Variants in MMS19 observed in about 807,000 individuals in gnomAD.
MMS19 encodes the protein MMS19 cytosolic iron-sulfur assembly component, also known as MMS19 nucleotide excision repair protein homolog.
MMS19 carries 77 observed loss-of-function variants against 129.8 expected under a neutral mutation model. The observed-to-expected ratio is 0.59, with a 90% CI of 0.49 to 0.72. The LOEUF (loss-of-function observed/expected upper bound fraction) is 0.72. Ranked by LOEUF, MMS19 falls within the 30% of genes least tolerant of loss-of-function variation. The pLI, the probability that MMS19 is intolerant of heterozygous loss-of-function variation, is 0.00. For synonymous variants in MMS19, 491 were observed against 502.8 expected (o/e 0.98, Z 0.31); for missense variants, 1,168 against 1,266.3 (o/e 0.92, Z 1.18).
chr10:97,483,507 CA>C (rs2037268212), intron 2 of MMS19, among the ~76,000 whole-genome samples: 1 of 152,198 alleles, frequency 6.6e-6, no homozygotes, highest in Non-Finnish European at 1.5e-5. Context: ...CATGCTGTCA[CA>C]ATTAACAACT....
At chr10:97,475,650 T>C (rs1411677626) in intron 8 of MMS19, among the ~76,000 whole-genome samples, 2 of 152,084 alleles carry the variant, frequency 1.3e-5, no homozygotes, top group South Asian at 2.1e-4. Context: ...AGGCAGAGAA[T>C]TGCTTGAACC....
In MMS19 at chr10:97,477,788, TATTGAA is replaced by T. The variant is rs2036029622; in HGVS notation, c.423+61_423+66del. On this transcript the variant is annotated intron_variant, in intron 5 of 30. Coordinates refer to ENST00000438925, the MANE Select transcript of MMS19 (RefSeq NM_022362.5). ...GAACTTAGAAGGCAATAATTTTTGC[TATTGAA>T]TCCCAGTTATGTCAAGGGGTAGAGA... 3 of 1,131,792 alleles carry T rather than the reference TATTGAA, an allele frequency of 2.7e-6. No individual in the cohort carries two copies. In the African/African-American group the frequency reaches 4.7e-5, roughly 18 times the overall value. 70.1% of individuals were successfully genotyped at this position (1,131,792 alleles called of 1,614,324 possible).
chr10:97,484,121 T>G lies in MMS19; in HGVS notation c.143A>C (p.Gln48Pro), dbSNP rs1295082077. Residue 48 changes from glutamine (Q) to proline (P), a missense_variant, in exon 2 of 31, where the codon CAA (glutamine) becomes CCA (proline). Gln to Pro is a moderately conservative substitution (Grantham distance 76, BLOSUM62 -1). Coordinates refer to ENST00000438925, the MANE Select transcript of MMS19 (RefSeq NM_022362.5). ...DVKSGNYTVLQVVEALGSSLE... is the reference protein window; with the variant it reads ...DVKSGNYTVLPVVEALGSSLE... ...CTCTTACCCAAGGGCTTCCACAACTTGTAACACTGTATAGTTGCCAGATTT... is the reference window on the plus strand; with the variant it reads ...CTCTTACCCAAGGGCTTCCACAACTGGTAACACTGTATAGTTGCCAGATTT... 1 of 1,548,236 alleles carries G rather than the reference T, an allele frequency of 6.5e-7. No homozygotes were observed. The highest frequency in any genetic ancestry group is 1.9e-5 in the Admixed American group (1 of 51,890).
At chr10:97,493,796 C>T (rs1302765900) in intron 1 of MMS19, among the ~76,000 whole-genome samples, 1 of 152,194 alleles carries the variant, frequency 6.6e-6, no homozygotes, top group Non-Finnish European at 1.5e-5. Context: ...AGGCAGATCA[C>T]CTGAGGTCGG....
At chr10:97,476,333 AC>A (rs1403252677) in intron 8 of MMS19, among the ~76,000 whole-genome samples, 3 of 152,148 alleles carry the variant, frequency 2.0e-5, no homozygotes, top group African/African-American at 7.2e-5. Flanking sequence ...TCTAGCTCAC[AC>A]TGAACTTTTG....
intron 14 of MMS19, 53 bp from the exon 15 acceptor site, chr10:97,466,954 CTG>C: frequency 3.1e-6 from 5 of 1,607,978 alleles, no homozygotes; most frequent in Non-Finnish European, 4.2e-6. Context: ...TTCCATATCC[CTG>C]ACTAAGCTGT....
At chr10:97,496,297 CTTCAG>C (rs1338646217) in intron 1 of MMS19, among the ~76,000 whole-genome samples, 1 of 152,064 alleles carries the variant, frequency 6.6e-6, no homozygotes, top group Non-Finnish European at 1.5e-5. Flanking sequence ...GGGAGGATGG[CTTCAG>C]TCCTGGAGTT....
In MMS19 at chr10:97,462,540, A is replaced by T. The variant is rs768841936; in HGVS notation, c.2012+43T>A. ...CCTGTTGCTTCTTCCTAAGAATGCT[A>T]TCCTTCTCCCTGGGTTCAAGCCACA... On this transcript the variant is annotated intron_variant, in intron 20 of 30. Transcript: ENST00000438925. The T allele has an allele frequency of 3.5e-6, 5 of 1,440,574 alleles. No homozygotes were observed. In the Admixed American group the frequency reaches 8.5e-5, roughly 24 times the overall value. The allele number at this position is 1,440,574 out of a possible 1,614,324, so 89.2% of individuals were successfully genotyped here.
chr10:97,462,819 G>T, intron 19 of MMS19, 137 bp from the exon 20 acceptor site: 1 of 690,382 alleles, frequency 1.4e-6, no homozygotes, highest in Non-Finnish European at 2.5e-6. Flanking sequence ...GTCTCTGGTA[G>T]TGCTATAGTC....
upstream of MMS19, chr10:97,498,550 G>T: frequency 1.1e-6 from 1 of 870,970 alleles, no homozygotes; most frequent in Non-Finnish European, 1.7e-6. Context: ...GGCGGGGCCT[G>T]AAATGGGGCG....
intron 3 of MMS19, among the ~76,000 whole-genome samples, chr10:97,479,235 C>G (rs1227120760): frequency 1.3e-5 from 2 of 152,130 alleles, no homozygotes; most frequent in Non-Finnish European, 2.9e-5. Flanking sequence ...GACCAAGAAC[C>G]CTGGTGTTCC....
At position 97,484,128 on chromosome 10, in the gene MMS19, CTG is replaced by C; in HGVS notation, c.134_135del (p.Thr45SerfsTer51). 1 of 1,542,514 alleles carries C rather than the reference CTG, an allele frequency of 6.5e-7. No homozygotes were observed. The highest frequency in any genetic ancestry group is 2.4e-5 in the East Asian group (1 of 41,552). On this transcript the variant is annotated frameshift_variant, in exon 2 of 31. Coordinates refer to ENST00000438925, the MANE Select transcript of MMS19 (RefSeq NM_022362.5). LOFTEE classifies it high-confidence loss of function. ...CCAAGGGCTTCCACAACTTGTAACA[CTG>C]TATAGTTGCCAGATTTCACATCTGC... ...VAADVKSGNY[T>X]VLQVVEALGS...
At chr10:97,461,337 G>C in intron 23 of MMS19, 159 bp downstream of exon 23, 1 of 849,492 alleles carries the variant, frequency 1.2e-6, no homozygotes, top group South Asian at 1.8e-5. Context: ...CTGTGGTCTT[G>C]ACGCTTTTCC....
chr10:97,479,424 C>T (rs1251151366), intron 3 of MMS19, among the ~76,000 whole-genome samples: 1 of 152,136 alleles, frequency 6.6e-6, no homozygotes, highest in Non-Finnish European at 1.5e-5. Context: ...CCCCATTCGA[C>T]GCCCCTTTTC....
chr10:97,481,130 C>G, intron 2 of MMS19, 88 bp from the exon 3 acceptor site: 1 of 860,810 alleles, frequency 1.2e-6, no homozygotes, highest in Non-Finnish European at 1.9e-6. Flanking sequence ...ACACTCACCC[C>G]CTGGGCATGG....
chr10:97,469,177 T>G (rs1284155445), intron 11 of MMS19, 73 bp from the exon 12 acceptor site: 1 of 1,501,518 alleles, frequency 6.7e-7, no homozygotes, highest in African/African-American at 1.4e-5. Context: ...CACTGCCTAT[T>G]TCCTTGTTGG....
At chr10:97,465,557 G>A (rs747629074) in intron 18 of MMS19, among the ~76,000 whole-genome samples, 2 of 152,066 alleles carry the variant, frequency 1.3e-5, no homozygotes, top group Non-Finnish European at 2.9e-5. Flanking sequence ...TGCTGGCCTC[G>A]GCCTCCCAAA....
chr10:97,496,431 C>T (rs2039795351), intron 1 of MMS19, among the ~76,000 whole-genome samples: 1 of 149,254 alleles, frequency 6.7e-6, no homozygotes, highest in African/African-American at 2.5e-5. Flanking sequence ...AGGAGGATTG[C>T]TTGAGCATAG....
chr10:97,478,153 G>A, intron 4 of MMS19, 151 bp downstream of exon 4: 1 of 696,104 alleles, frequency 1.4e-6, no homozygotes, highest in Non-Finnish European at 2.5e-6. Flanking sequence ...TCTCTAGAGG[G>A]AAAACGGAAG....
Sources: allele counts gnomAD v4.1 joint callset (sites outside exome capture counted in the v4.1 genomes callset), GRCh38; gene constraint gnomAD v4.1.1; transcripts MANE v1.5; gene names NCBI Gene and HGNC (gene_info 2026-07-23, HGNC 2026-07-21).